The following AGBL4 variants were observed in gnomAD, a reference collection of about 807,000 sequenced individuals.
AGBL4 encodes the protein AGBL carboxypeptidase 4.
A neutral mutation model predicts 66.4 loss-of-function variants in AGBL4; 58 were observed. The ratio of observed to expected loss-of-function variants is 0.87; its 90% CI spans 0.71 to 1.09. AGBL4 has a LOEUF of 1.09. Among genes scored for constraint, AGBL4 ranks in the 50% least tolerant of loss-of-function variants. The pLI is 0.00. For synonymous variants in AGBL4, 234 were observed against 222.9 expected (o/e 1.05, Z -0.44); for missense variants, 579 against 631.0 (o/e 0.92, Z 0.88).
intron 6 of AGBL4, among the ~76,000 whole-genome samples, chr1:48,763,697 G>C (rs1644392038): frequency 6.6e-6 from 1 of 152,178 alleles, no homozygotes; most frequent in South Asian, 2.1e-4. Context: ...GATCATGTTA[G>C]TGTGGAGAAA....
At chr1:49,970,404 G>T (rs928372497) in intron 1 of AGBL4, among the ~76,000 whole-genome samples, 3 of 151,902 alleles carry the variant, frequency 2.0e-5, no homozygotes, top group Non-Finnish European at 4.4e-5. Flanking sequence ...ACTCAATAGC[G>T]AAAAAACAAA....
chr1:50,005,484 A>G (rs990785375), intron 1 of AGBL4, among the ~76,000 whole-genome samples: 5 of 152,226 alleles, frequency 3.3e-5, no homozygotes, highest in Non-Finnish European at 7.3e-5. Context: ...ATCTTAGATC[A>G]CAATACCTAA....
At chr1:49,804,382 A>C (rs1484345325) in intron 2 of AGBL4, among the ~76,000 whole-genome samples, 1 of 152,170 alleles carries the variant, frequency 6.6e-6, no homozygotes, top group Admixed American at 6.6e-5. Context: ...AAAAGGTTGG[A>C]CATCTCCAGT....
intron 3 of AGBL4, among the ~76,000 whole-genome samples, chr1:49,529,905 G>A (rs376260182): frequency 4.0e-5 from 6 of 151,716 alleles, no homozygotes; most frequent in Admixed American, 6.6e-5. Context: ...TCAGCAGAGC[G>A]GGGGTAAGAG....
chr1:48,657,356 T>C (rs1646037171), intron 7 of AGBL4, among the ~76,000 whole-genome samples: 1 of 152,208 alleles, frequency 6.6e-6, no homozygotes, highest in Non-Finnish European at 1.5e-5. Flanking sequence ...GGATTTGCTG[T>C]TCCAGCCGAA....
intron 1 of AGBL4, among the ~76,000 whole-genome samples, chr1:49,854,346 A>G (rs1005829527): frequency 1.3e-5 from 2 of 152,082 alleles, no homozygotes; most frequent in African/African-American, 4.8e-5. Context: ...TGGCCCATCC[A>G]TGATTGTCTC....
intron 3 of AGBL4, among the ~76,000 whole-genome samples, chr1:49,524,672 C>T (rs1006688404): frequency 6.6e-6 from 1 of 151,866 alleles, no homozygotes; most frequent in Non-Finnish European, 1.5e-5. Flanking sequence ...TCTCTCTTGC[C>T]ATACAATCCA....
chr1:49,604,019 A>G (rs992815576), intron 3 of AGBL4, among the ~76,000 whole-genome samples: 7 of 151,646 alleles, frequency 4.6e-5, no homozygotes, highest in Admixed American at 1.3e-4. Context: ...GCAACGGTGA[A>G]TTGTGCTGTA....
chr1:49,983,250 T>G (rs752513641), intron 1 of AGBL4, among the ~76,000 whole-genome samples: 34 of 152,234 alleles, frequency 2.2e-4, no homozygotes, highest in Non-Finnish European at 4.4e-4. Context: ...ACCAGAACTG[T>G]GACACCCTCT....
chr1:48,877,943 A>ATC (rs766503332), intron 5 of AGBL4, among the ~76,000 whole-genome samples: 2 of 152,272 alleles, frequency 1.3e-5, no homozygotes, highest in South Asian at 4.1e-4. Flanking sequence ...AAATGACTTC[A>ATC]TCTCTCTCTC....
chr1:49,165,137 T>A (rs1569897324), intron 4 of AGBL4, among the ~76,000 whole-genome samples: 1 of 152,158 alleles, frequency 6.6e-6, no homozygotes, highest in South Asian at 2.1e-4. Context: ...GAGGTCTAGA[T>A]AAGTGAGGAA....
At chr1:49,127,223 G>A (rs1645783368) in intron 4 of AGBL4, among the ~76,000 whole-genome samples, 1 of 152,150 alleles carries the variant, frequency 6.6e-6, no homozygotes, top group Non-Finnish European at 1.5e-5. Flanking sequence ...AAAGAAGAGG[G>A]ACCCAAGCAT....
intron 2 of AGBL4, among the ~76,000 whole-genome samples, chr1:49,799,921 T>C (rs909828100): frequency 1.3e-5 from 2 of 152,134 alleles, no homozygotes; most frequent in African/African-American, 4.8e-5. Flanking sequence ...TTTCTTTATG[T>C]ATAGATAAAT....
intron 4 of AGBL4, among the ~76,000 whole-genome samples, chr1:49,095,749 T>A (rs1645085629): frequency 6.6e-6 from 1 of 151,504 alleles, no homozygotes; most frequent in Admixed American, 6.6e-5. Context: ...GAAGAAAACC[T>A]AGGCAATACC....
chr1:49,047,223 T>A (rs1429425353), intron 4 of AGBL4, among the ~76,000 whole-genome samples: 1 of 152,180 alleles, frequency 6.6e-6, no homozygotes, highest in African/African-American at 2.4e-5. Flanking sequence ...TTAAATATTC[T>A]GGTATTTGAT....
At chr1:48,908,313 CT>C (rs1452490156) in intron 5 of AGBL4, among the ~76,000 whole-genome samples, 1 of 152,064 alleles carries the variant, frequency 6.6e-6, no homozygotes, top group Non-Finnish European at 1.5e-5. Context: ...ACAAAGTTGC[CT>C]TTTCAAAAAA....
chr1:48,543,338 T>G (rs1435420000), intron 11 of AGBL4, among the ~76,000 whole-genome samples: 1 of 152,064 alleles, frequency 6.6e-6, no homozygotes, highest in Non-Finnish European at 1.5e-5. Context: ...AAGGGGCATT[T>G]CGGGGAGAAG....
chr1:49,655,524 T>C (rs186201844), intron 3 of AGBL4, among the ~76,000 whole-genome samples: 66 of 152,298 alleles, frequency 4.3e-4, no homozygotes, highest in African/African-American at 1.6e-3. Flanking sequence ...AGACACAACA[T>C]ACCAGAATCT....
At chr1:49,840,487 GAGA>G (rs1281135963) in intron 2 of AGBL4, among the ~76,000 whole-genome samples, 1 of 152,056 alleles carries the variant, frequency 6.6e-6, no homozygotes, top group East Asian at 1.9e-4. Context: ...CCAAAAAACT[GAGA>G]AGGAGGGACT....
Sources: gnomAD v4.1 joint callset for allele counts (sites outside exome capture counted in the v4.1 genomes callset) on GRCh38, gnomAD v4.1.1 for gene constraint, MANE v1.5 for transcripts, NCBI Gene and HGNC (gene_info 2026-07-23, HGNC 2026-07-21) for gene names.